The following CETP variants were observed in gnomAD, a reference collection of about 807,000 sequenced individuals.
CETP encodes the protein BPI fold containing family F.
CETP carries 56 observed loss-of-function variants against 66.5 expected under a neutral mutation model. That is an observed-to-expected ratio of 0.84 (90% CI 0.68 to 1.05). The LOEUF is 1.05. CETP is among the 50% of genes least tolerant of loss of function. CETP has a pLI of 0.00. For missense variants in CETP, 612 were observed against 609.6 expected, an observed-to-expected ratio of 1.00 and a Z score of -0.04; for synonymous variants, 251 against 245.7, an observed-to-expected ratio of 1.02 and a Z score of -0.20.
intron 11 of CETP, among the ~76,000 whole-genome samples, chr16:56,979,694 G>A (rs191743564): frequency 0.012 from 1,837 of 152,050 alleles, 15 homozygotes; most frequent in Non-Finnish European, 0.019. Flanking sequence ...TTTAGTAGAG[G>A]CGGGGTTTCA....
chr16:56,979,074 G>T (rs745495887), intron 11 of CETP, among the ~76,000 whole-genome samples: 4 of 152,180 alleles, frequency 2.6e-5, no homozygotes, highest in African/African-American at 7.2e-5. Context: ...TGATCTGCCC[G>T]CCTCAGCCTC....
chr16:56,966,143 A>G (rs1397845793), intron 2 of CETP, among the ~76,000 whole-genome samples: 2 of 152,206 alleles, frequency 1.3e-5, no homozygotes, highest in East Asian at 3.8e-4. Context: ...AAAAGGCTAG[A>G]AGTCCACCAT....
intron 12 of CETP, 149 bp downstream of exon 12, chr16:56,981,374 C>A (rs1011668800): frequency 2.5e-6 from 2 of 798,410 alleles, no homozygotes; most frequent in Non-Finnish European, 4.3e-6. Context: ...TAAGACCCTG[C>A]CTAGATAGAA....
intron 11 of CETP, among the ~76,000 whole-genome samples, chr16:56,980,321 G>A (rs1270850503): frequency 2.0e-5 from 3 of 152,082 alleles, no homozygotes; most frequent in South Asian, 4.2e-4. Context: ...TCAGCTTCTC[G>A]ACTAGAGATG....
intron 2 of CETP, among the ~76,000 whole-genome samples, chr16:56,966,752 A>C (rs933632509): frequency 2.1e-5 from 3 of 145,048 alleles, no homozygotes; most frequent in South Asian, 2.2e-4. Context: ...AGCATATGCC[A>C]CCACTCCCGG....
At chr16:56,969,806 C>G in intron 4 of CETP, 108 bp from the exon 5 acceptor site, 1 of 1,537,552 alleles carries the variant, frequency 6.5e-7, no homozygotes, top group Non-Finnish European at 8.9e-7. Flanking sequence ...GGGAAGTTTG[C>G]AGGGGTGGGG....
intron 1 of CETP, chr16:56,962,483 G>T: frequency 2.2e-6 from 1 of 448,632 alleles, no homozygotes; most frequent in Non-Finnish European, 4.4e-6. Context: ...CAAAGTCAGG[G>T]GTTGCCATGA....
intron 11 of CETP, among the ~76,000 whole-genome samples, chr16:56,978,463 A>G (rs1263399269): frequency 2.6e-5 from 4 of 152,036 alleles, no homozygotes; most frequent in African/African-American, 9.7e-5. Flanking sequence ...CAGCTTAGGT[A>G]ATATTTTCTC....
intron 5 of CETP, 95 bp from the exon 6 acceptor site, chr16:56,970,938 G>A: frequency 1.7e-6 from 2 of 1,160,434 alleles, no homozygotes; most frequent in Non-Finnish European, 2.6e-6. Flanking sequence ...AAGAGTCAGG[G>A]CCAACAGAGC....
At chr16:56,977,493 C>T (rs1482003672) in intron 10 of CETP, among the ~76,000 whole-genome samples, 3 of 152,308 alleles carry the variant, frequency 2.0e-5, no homozygotes, top group South Asian at 4.1e-4. Context: ...TCAGGGAAGG[C>T]CTCTCCCACC....
intron 2 of CETP, among the ~76,000 whole-genome samples, chr16:56,966,698 C>T (rs1364679666): frequency 6.6e-6 from 1 of 151,866 alleles, no homozygotes; most frequent in African/African-American, 2.4e-5. Flanking sequence ...CTCCTGGGTT[C>T]AAGCGATTCT....
At position 56,962,035 on chromosome 16, in the gene CETP, C is replaced by A; in HGVS notation, c.56C>A (p.Ser19Tyr). ...LALLGNAHAC[S>Y]KGTSHEAGIV... ...CTGCTGGGCAATGCCCATGCCTGCT[C>A]CAAAGGCACCTCGCACGAGGCAGGC... Residue 19 changes from serine to tyrosine, a missense_variant, in exon 1 of 16, where the codon TCC becomes TAC. Transcript: ENST00000200676. The A allele has an allele frequency of 6.2e-7, 1 of 1,614,146 alleles. No individual in the cohort carries two copies. Among genetic ancestry groups the A allele is most frequent in the South Asian group, 1.1e-5 (1 of 91,070 alleles).
chr16:56,969,343 T>C, intron 2 of CETP, 43 bp from the exon 3 acceptor site: 2 of 1,612,526 alleles, frequency 1.2e-6, no homozygotes, highest in Non-Finnish European at 1.7e-6. Flanking sequence ...TTGGGCTCCC[T>C]GGATGACCCC....
chr16:56,976,806 G>A (rs750616255), intron 10 of CETP, among the ~76,000 whole-genome samples: 1 of 151,838 alleles, frequency 6.6e-6, no homozygotes, highest in Non-Finnish European at 1.5e-5. Context: ...CTAAATTCTG[G>A]ATAGTTTCTT....
chr16:56,981,332 C>T, intron 12 of CETP, 107 bp downstream of exon 12: 1 of 951,890 alleles, frequency 1.1e-6, no homozygotes, highest in Non-Finnish European at 1.7e-6. Context: ...TGGCCCCTTT[C>T]TTCTGGGGCA....
At chr16:56,975,286 T>C (rs761243302) in intron 10 of CETP, 135 bp downstream of exon 10, 5 of 775,390 alleles carry the variant, frequency 6.4e-6, no homozygotes, top group Non-Finnish European at 1.1e-5. Flanking sequence ...TACTCGGTTG[T>C]TCGGCATGGA....
chr16:56,981,077 A>G (rs2056183511), intron 11 of CETP, 81 bp from the exon 12 acceptor site: 6 of 1,027,300 alleles, frequency 5.8e-6, no homozygotes, highest in Non-Finnish European at 9.3e-6. Context: ...AGTGGAAAGA[A>G]TCAGGGGCCC....
chr16:56,971,169 C>T (rs1459751840), intron 6 of CETP, 67 bp downstream of exon 6: 49 of 1,560,784 alleles, frequency 3.1e-5, no homozygotes, highest in Non-Finnish European at 4.0e-5. Context: ...CCTTTCCTCC[C>T]TGCCTTTCCC....
At chr16:56,981,498 A>G (rs1373241958) in intron 12 of CETP, 149 bp from the exon 13 acceptor site, 107 of 1,018,236 alleles carry the variant, frequency 1.1e-4, no homozygotes, top group Non-Finnish European at 1.5e-4. Context: ...AGCAAATCTC[A>G]AGGGAATAGC....
Sources: allele counts gnomAD v4.1 joint callset (sites outside exome capture counted in the v4.1 genomes callset), GRCh38; gene constraint gnomAD v4.1.1; transcripts MANE v1.5; gene names NCBI Gene and HGNC (gene_info 2026-07-23, HGNC 2026-07-21).